The following MTHFD1L variants were observed in gnomAD, a reference collection of about 807,000 sequenced individuals.
MTHFD1L encodes the protein monofunctional C1-tetrahydrofolate synthase, mitochondrial.
Under a neutral mutation model 119.5 loss-of-function variants are expected in MTHFD1L, and 81 were observed. The ratio of observed to expected loss-of-function variants is 0.68; its 90% CI spans 0.57 to 0.82. The LOEUF (loss-of-function observed/expected upper bound fraction) is 0.82. Ranked by LOEUF, MTHFD1L falls within the 40% of genes least tolerant of loss-of-function variation. The pLI is 0.00. For missense variants in MTHFD1L, 1,125 were observed against 1,253.4 expected, an observed-to-expected ratio of 0.90 and a Z score of 1.55; for synonymous variants, 430 against 475.2, an observed-to-expected ratio of 0.90 and a Z score of 1.24.
At chr6:150,877,217 T>C (rs1780593261) in intron 2 of MTHFD1L, among the ~76,000 whole-genome samples, 1 of 152,126 alleles carries the variant, frequency 6.6e-6, no homozygotes, top group African/African-American at 2.4e-5. Flanking sequence ...CACGCCGGGC[T>C]AATGTTTGTA....
chr6:150,999,317 T>G (rs1036986822), intron 20 of MTHFD1L, among the ~76,000 whole-genome samples: 1 of 152,188 alleles, frequency 6.6e-6, no homozygotes, highest in Non-Finnish European at 1.5e-5. Context: ...CTAAATCATG[T>G]TAATGGCCAA....
Position 151,039,841 on chromosome 6 carries a change from G to T in MTHFD1L, c.2847+2724G>T, listed in dbSNP as rs1786790093. 6.6e-6 allele frequency among the ~76,000 whole-genome samples: 1 copy of T among 152,134 alleles called. No homozygotes were observed. Among genetic ancestry groups the T allele is most frequent in the East Asian group, 1.9e-4 (1 of 5,174 alleles). The stretch of plus-strand genomic sequence containing the variant: ...GAGGCAGGAGAATCGCTTGAACCCG[G>T]GAGGCAGAAGTTGCAGTAAGCCAAG... On this transcript the variant is annotated intron_variant, in intron 26 of 27. Coordinates refer to ENST00000367321, the MANE Select transcript of MTHFD1L (RefSeq NM_015440.5). This position sits in a 1 kb window ranked among gnomAD's most constrained non-coding sequence, Gnocchi z 4.4.
intron 27 of MTHFD1L, among the ~76,000 whole-genome samples, chr6:151,094,192 T>A (rs1794700404): frequency 6.6e-6 from 1 of 152,218 alleles, no homozygotes; most frequent in Non-Finnish European, 1.5e-5. Context: ...CTGACTCCTG[T>A]TCCTGAGCCC....
chr6:150,943,049 G>T (rs1047568254), intron 13 of MTHFD1L, among the ~76,000 whole-genome samples: 1 of 152,060 alleles, frequency 6.6e-6, no homozygotes, highest in East Asian at 1.9e-4. Flanking sequence ...TTGGGAGTCT[G>T]AGGTGGGCAG....
chr6:150,934,224 A>G (rs1386857944), intron 11 of MTHFD1L, among the ~76,000 whole-genome samples: 1 of 152,234 alleles, frequency 6.6e-6, no homozygotes, highest in Non-Finnish European at 1.5e-5. Context: ...GTGAGCGTAC[A>G]AATAATTAAC....
intron 26 of MTHFD1L, among the ~76,000 whole-genome samples, chr6:151,076,854 A>G (rs772603732): frequency 1.3e-5 from 2 of 152,206 alleles, no homozygotes; most frequent in Non-Finnish European, 2.9e-5. Context: ...GAAATGCAGT[A>G]TATGTCCATG....
rs111857562 is a variant in MTHFD1L at position 150,981,015 on chromosome 6, G to A, written c.2125+8957G>A. Among the ~76,000 whole-genome samples, 241 of 151,964 alleles carry A rather than the reference G, an allele frequency of 1.6e-3. 2 individuals carry two copies. Among genetic ancestry groups the A allele is most frequent in the African/African-American group, 5.3e-3 (219 of 41,434 alleles). On this transcript the variant is annotated intron_variant, in intron 20 of 27. Coordinates refer to ENST00000367321, the MANE Select transcript of MTHFD1L (RefSeq NM_015440.5). ...CCTAACATGTCCATTTATTAAATAG[G>A]TCCAAACAACTTAATGAGTATTTAT...
At chr6:150,999,462 G>T (rs566119750) in intron 20 of MTHFD1L, among the ~76,000 whole-genome samples, 74 of 152,262 alleles carry the variant, frequency 4.9e-4, no homozygotes, top group Non-Finnish European at 9.7e-4. Flanking sequence ...ACCACTGTTG[G>T]CCAAGAGCAG....
intron 4 of MTHFD1L, among the ~76,000 whole-genome samples, chr6:150,878,658 C>T (rs76822286): frequency 0.19 from 29,126 of 152,142 alleles, 3,540 homozygotes; most frequent in African/African-American, 0.32. Flanking sequence ...TCTGCTCTGC[C>T]GCCTTTGTGG....
intron 26 of MTHFD1L, among the ~76,000 whole-genome samples, chr6:151,051,976 C>A (rs73780396): frequency 0.015 from 2,351 of 152,216 alleles, 65 homozygotes; most frequent in African/African-American, 0.052. Flanking sequence ...CCAGTGGGGG[C>A]AATAACATTG....
chr6:151,058,359 C>A lies in MTHFD1L; in HGVS notation c.2847+21242C>A, dbSNP rs73780399. Among the ~76,000 whole-genome samples the A allele has an allele frequency of 9.7e-3, 1,473 of 152,260 alleles. 16 individuals are homozygous for A. The highest frequency in any genetic ancestry group is 0.034 in the African/African-American group (1,410 of 41,538). On this transcript the variant is annotated intron_variant, in intron 26 of 27. Coordinates refer to ENST00000367321, the MANE Select transcript of MTHFD1L (RefSeq NM_015440.5). The stretch of plus-strand genomic sequence containing the variant: ...CACTGATGCTCGGGCTCTGTCACAT[C>A]CGTTTTTGGCATTTGTCCTGGCAAA...
chr6:150,913,422 C>T (rs1460927253), intron 8 of MTHFD1L, among the ~76,000 whole-genome samples: 1 of 152,102 alleles, frequency 6.6e-6, no homozygotes, highest in Non-Finnish European at 1.5e-5. Flanking sequence ...GACTCGGCCT[C>T]CCAAAGTGCT....
intron 27 of MTHFD1L, among the ~76,000 whole-genome samples, chr6:151,097,672 T>C (rs1213986564): frequency 1.3e-5 from 2 of 152,220 alleles, no homozygotes; most frequent in African/African-American, 4.8e-5. Context: ...AAATAAGCTC[T>C]AATGTTTGAT....
Position 150,876,116 on chromosome 6 carries a change from T to C in MTHFD1L, c.254T>C (p.Val85Ala). 6.2e-7 allele frequency: 1 copy of C among 1,607,920 alleles called. No homozygotes were observed. ...VREVIQNSKE[V>A]LSLLQEKNPA... ...GAAGTCATTCAGAATTCAAAAGAAG[T>C]TCTAAGTTTATTGCAAGAAAAAAAC... The change falls in exon 2 of 28, where the codon GTT becomes GCT. Residue 85 changes from valine (V) to alanine (A), a missense_variant. Physicochemically the swap from Val to Ala is moderately conservative, Grantham distance 64 (BLOSUM62 0). This residue lies in a region of MTHFD1L where 1,058 missense variants were observed against 1,151.2 expected (regional missense o/e 0.92). Transcript: ENST00000367321.
chr6:150,907,886 C>T (rs1441304206), intron 8 of MTHFD1L, among the ~76,000 whole-genome samples: 2 of 149,194 alleles, frequency 1.3e-5, no homozygotes, highest in African/African-American at 2.5e-5. Flanking sequence ...GCTTAGTAAC[C>T]GCTCTGTGAA....
In MTHFD1L at chr6:151,092,515, GATCTTGATACCGAAACAGAACA is replaced by G. The variant is rs1794542264; in HGVS notation, c.2898_2919del (p.Asp966GlufsTer35). On this transcript the variant is annotated frameshift_variant, in exon 27 of 28. Transcript: ENST00000367321. LOFTEE classifies it high-confidence loss of function. Reference sequence around the variant, plus strand: ...CACCCGGCCCTGCTTTTATGACATAGATCTTGATACCGAAACAGAACAAGTTAAAGGCTTGTTCTAAGTGGAC... The same window carrying G: ...CACCCGGCCCTGCTTTTATGACATAGAGTTAAAGGCTTGTTCTAAGTGGAC... 6.2e-7 allele frequency: 1 copy of G among 1,614,150 alleles called. No homozygotes were observed. Among genetic ancestry groups the G allele is most frequent in the East Asian group, 2.2e-5 (1 of 44,886 alleles).
At chr6:151,080,930 G>A (rs1300127425) in intron 26 of MTHFD1L, among the ~76,000 whole-genome samples, 1 of 152,148 alleles carries the variant, frequency 6.6e-6, no homozygotes, top group Non-Finnish European at 1.5e-5. Flanking sequence ...TTGAGATGGG[G>A]TCTTGCTCTG....
At chr6:151,063,558 C>T (rs778204822) in intron 26 of MTHFD1L, among the ~76,000 whole-genome samples, 2 of 152,144 alleles carry the variant, frequency 1.3e-5, no homozygotes, top group African/African-American at 2.4e-5. Context: ...ACTTTACCAA[C>T]AAATGTGTCT....
intron 1 of MTHFD1L, among the ~76,000 whole-genome samples, chr6:150,873,092 G>A (rs1387361237): frequency 4.6e-5 from 7 of 152,010 alleles, no homozygotes; most frequent in African/African-American, 9.7e-5. Flanking sequence ...CTAGGTGGGC[G>A]GATCACGAGG....
Sources: allele counts gnomAD v4.1 joint callset (sites outside exome capture counted in the v4.1 genomes callset), GRCh38; gene constraint gnomAD v4.1.1; regional missense constraint gnomAD v4.1.1; non-coding constraint Gnocchi (gnomAD v3.1); transcripts MANE v1.5; gene names NCBI Gene and HGNC (gene_info 2026-07-23, HGNC 2026-07-21).